The following DERL2 variants were observed in gnomAD, a reference collection of about 807,000 sequenced individuals.
DERL2 encodes derlin-2.
In DERL2, 13 loss-of-function variants were observed where a neutral mutation model predicts 32.0. The ratio of observed to expected loss-of-function variants is 0.41; its 90% CI spans 0.26 to 0.65. The LOEUF (loss-of-function observed/expected upper bound fraction) is 0.65, where lower values mean the gene tolerates loss of function less well. DERL2 is among the 30% of genes least tolerant of loss of function. The pLI, the probability that DERL2 is intolerant of heterozygous loss-of-function variation, is 0.35. For missense variants in DERL2, 208 were observed against 296.3 expected (o/e 0.70, Z 2.19); for synonymous variants, 111 against 104.7 (o/e 1.06, Z -0.37).
chr17:5,482,633 AGTG>A (rs1271174084), intron 3 of DERL2, 173 bp downstream of exon 3: 6 of 494,880 alleles, frequency 1.2e-5, no homozygotes, highest in Non-Finnish European at 2.2e-5. Context: ...ATTTGAACAA[AGTG>A]ACCTACAGAC....
rs1267292505 is a variant in DERL2 at position 5,481,219 on chromosome 17, G to C, written c.327+77C>G. ...CCCTGAAGCTAAGATCTAGAGAACT[G>C]TGGGAGACAGATGACAAGCTTTAGG... is the stretch of plus-strand genomic sequence containing the variant. On this transcript the variant is annotated intron_variant, in intron 4 of 6. Transcript: ENST00000158771. The surrounding 1 kb of genome is among the most constrained non-coding windows in gnomAD (Gnocchi z 4.4). 2 of 1,049,754 alleles carry C rather than the reference G, an allele frequency of 1.9e-6. No homozygotes were observed. The highest frequency in any genetic ancestry group is 1.3e-5 in the South Asian group (1 of 79,158). 65.0% of individuals were successfully genotyped at this position (1,049,754 alleles called of 1,614,324 possible). A position where few individuals can be genotyped will look rare whatever the true frequency, so the allele number is the denominator to read the frequency against.
At chr17:5,476,336 G>A (rs1382704128) in intron 6 of DERL2, among the ~76,000 whole-genome samples, 1 of 152,216 alleles carries the variant, frequency 6.6e-6, no homozygotes, top group East Asian at 1.9e-4. Context: ...TTCAAAATGA[G>A]TTTTTAAAAT....
chr17:5,475,406 C>G (rs940650509), intron 6 of DERL2, among the ~76,000 whole-genome samples: 34 of 151,822 alleles, frequency 2.2e-4, no homozygotes, highest in Non-Finnish European at 4.1e-4. Context: ...ATTACAGGCG[C>G]CCGCCACCAC....
At chr17:5,482,963 C>G (rs1240712017) in intron 2 of DERL2, 81 bp from the exon 3 acceptor site, 4 of 742,188 alleles carry the variant, frequency 5.4e-6, no homozygotes, top group Non-Finnish European at 8.8e-6. Context: ...ACAAAAGAAA[C>G]ATCCTATGAC....
chr17:5,483,079 T>C (rs957290690), intron 2 of DERL2, among the ~76,000 whole-genome samples, 197 bp from the exon 3 acceptor site: 1 of 152,172 alleles, frequency 6.6e-6, no homozygotes, highest in African/African-American at 2.4e-5. Context: ...GTTCAAAGTC[T>C]GAAAGACATC....
rs1380009967 is a variant in DERL2, at chr17:5,481,990, C to T, written c.234-601G>A. On this transcript the variant is annotated intron_variant, in intron 3 of 6. Coordinates refer to ENST00000158771, the MANE Select transcript of DERL2 (RefSeq NM_016041.5). The surrounding 1 kb of genome is among the most constrained non-coding windows in gnomAD (Gnocchi z 4.4). ...CCTTTAAAAATTTGTATTGTCTTTC[C>T]TGTGCTCAGCCACACCTTAATATGC... Among the ~76,000 whole-genome samples, 1 of 152,150 alleles carries T rather than the reference C, an allele frequency of 6.6e-6. No individual in the cohort carries two copies. Among genetic ancestry groups the T allele is most frequent in the Non-Finnish European group, 1.5e-5 (1 of 68,022 alleles).
chr17:5,480,606 T>C, intron 4 of DERL2, 24 bp from the exon 5 acceptor site: 2 of 1,461,614 alleles, frequency 1.4e-6, no homozygotes, highest in Non-Finnish European at 1.8e-6. Context: ...TTAAGGAAAA[T>C]ATCAACATTA....
upstream of DERL2, chr17:5,486,302 AT>A (rs1906296744): frequency 4.8e-6 from 3 of 620,896 alleles, no homozygotes; most frequent in African/African-American, 3.8e-5. Flanking sequence ...AGCAACCGCA[AT>A]CCGTAGAGAC....
rs1285375760 is a variant in DERL2 at position 5,481,387 on chromosome 17, T to C, written c.236A>G (p.Tyr79Cys). ...FNFLFNMIFL[Y>C]RYCRMLEEGS... ...TTCTTCTAGCATTCGACAGTAACGATATCTTAAGTTCCAAGTTAAGAAAAT... is the reference window on the plus strand; with the variant it reads ...TTCTTCTAGCATTCGACAGTAACGACATCTTAAGTTCCAAGTTAAGAAAAT... The change falls in exon 4 of 7, where the codon TAT becomes TGT. Residue 79 changes from tyrosine to cysteine, a missense_variant and splice_region_variant. Physicochemically the swap from Tyr to Cys is radical, Grantham distance 194. Coordinates refer to ENST00000158771, the MANE Select transcript of DERL2 (RefSeq NM_016041.5). This position sits in a 1 kb window ranked among gnomAD's most constrained non-coding sequence, Gnocchi z 4.4. The C allele has an allele frequency of 2.5e-6, 4 of 1,611,592 alleles. No homozygotes were observed. The highest frequency in any genetic ancestry group is 1.7e-4 in the Middle Eastern group (1 of 6,056).
At chr17:5,482,230 T>A (rs1176593334) in intron 3 of DERL2, 1 of 152,508 alleles carries the variant, frequency 6.6e-6, no homozygotes, top group African/African-American at 2.4e-5. Flanking sequence ...CAGCTGCAGA[T>A]GAGTTGAACT....
At chr17:5,478,819 G>T (rs978438391) in intron 6 of DERL2, among the ~76,000 whole-genome samples, 2 of 152,152 alleles carry the variant, frequency 1.3e-5, no homozygotes, top group East Asian at 3.8e-4. Flanking sequence ...AGTTTACAAG[G>T]TTACAAAAAT....
At chr17:5,486,019 C>T in intron 1 of DERL2, 50 bp downstream of exon 1, 1 of 1,546,570 alleles carries the variant, frequency 6.5e-7, no homozygotes, top group Non-Finnish European at 8.8e-7. Context: ...TCCTGAAGAC[C>T]CAGTCATATC....
intron 6 of DERL2, among the ~76,000 whole-genome samples, chr17:5,477,199 A>C (rs1447742366): frequency 6.6e-6 from 1 of 152,230 alleles, no homozygotes; most frequent in Non-Finnish European, 1.5e-5. Flanking sequence ...TAAATACAAG[A>C]ACACAGATGA....
intron 6 of DERL2, among the ~76,000 whole-genome samples, chr17:5,479,496 TAAAAAAAAAAAAAAAA>T (rs11306765): frequency 2.9e-5 from 2 of 69,400 alleles, no homozygotes; most frequent in African/African-American, 4.3e-5. Flanking sequence ...AGACTCCATG[TAAAAAAAAAAAAAAAA>T]AAAAAAAAAA....
chr17:5,482,776 G>C (rs1905873148), intron 3 of DERL2, 33 bp downstream of exon 3: 1 of 1,232,498 alleles, frequency 8.1e-7, no homozygotes, highest in African/African-American at 1.5e-5. Flanking sequence ...CTAAGAAAAA[G>C]TTTTGATGCT....
chr17:5,483,185 G>T (rs536686950), intron 2 of DERL2, among the ~76,000 whole-genome samples: 2 of 152,128 alleles, frequency 1.3e-5, no homozygotes, highest in South Asian at 2.1e-4. Context: ...TTAATCGGCA[G>T]AACAGAAAAC....
intron 6 of DERL2, among the ~76,000 whole-genome samples, chr17:5,475,457 T>C (rs1053491473): frequency 5.3e-5 from 8 of 152,010 alleles, no homozygotes; most frequent in African/African-American, 1.9e-4. Context: ...AAGGTTTTCA[T>C]CATGTTGGCC....
intron 2 of DERL2, 21 bp from the exon 3 acceptor site, chr17:5,482,903 GAA>G (rs1447352568): frequency 7.7e-7 from 1 of 1,303,160 alleles, no homozygotes; most frequent in South Asian, 1.3e-5. Flanking sequence ...AAAATCAAGA[GAA>G]AGATGTATTA....
At chr17:5,478,748 G>C (rs1323538228) in intron 6 of DERL2, among the ~76,000 whole-genome samples, 1 of 152,178 alleles carries the variant, frequency 6.6e-6, no homozygotes, top group Non-Finnish European at 1.5e-5. Flanking sequence ...CCATACCATG[G>C]AATATCACCT....
Sources: allele counts gnomAD v4.1 joint callset (sites outside exome capture counted in the v4.1 genomes callset), GRCh38; gene constraint gnomAD v4.1.1; non-coding constraint Gnocchi (gnomAD v3.1); transcripts MANE v1.5; gene names NCBI Gene and HGNC (gene_info 2026-07-23, HGNC 2026-07-21).